Variants in PCDHGA6 observed in about 807,000 individuals in gnomAD.
PCDHGA6 encodes the protein protocadherin gamma-A6.
PCDHGA6 carries 41 observed loss-of-function variants against 60.6 expected under a neutral mutation model. The observed-to-expected ratio is 0.68, with a 90% CI of 0.53 to 0.88. PCDHGA6 has a LOEUF of 0.88. Among genes scored for constraint, PCDHGA6 ranks in the 40% least tolerant of loss-of-function variants. The pLI is 0.00. For missense variants in PCDHGA6, 1,312 were observed against 1,203.0 expected, an observed-to-expected ratio of 1.09 and a Z score of -1.34; for synonymous variants, 594 against 524.4, an observed-to-expected ratio of 1.13 and a Z score of -1.81.
chr5:141,490,130 C>A lies in PCDHGA6; in HGVS notation c.2425-4677C>A, dbSNP rs535362535. On this transcript the variant is annotated intron_variant, in intron 1 of 3. Coordinates refer to ENST00000517434, the MANE Select transcript of PCDHGA6 (RefSeq NM_018919.3). The surrounding 1 kb of genome is among the most constrained non-coding windows in gnomAD (Gnocchi z 5.4). ...GTGCGGAACCTCTTTGGCCTAGACC[C>A]TAGCAGTGGGGCAATCCATGTGTTG... 11 of 1,614,242 alleles carry A rather than the reference C, an allele frequency of 6.8e-6. No individual in the cohort carries two copies. In the African/African-American group the frequency reaches 1.3e-4, roughly 20 times the overall value.
At chr5:141,395,586 G>C (rs1222744910) in intron 1 of PCDHGA6, 1 of 169,736 alleles carries the variant, frequency 5.9e-6, no homozygotes, top group African/African-American at 2.8e-5. Context: ...GTGTGTGTGT[G>C]TGTGTATCCC....
rs1228771998 is a variant in PCDHGA6 at position 141,477,832 on chromosome 5, A to G, written c.2425-16975A>G. The stretch of plus-strand genomic sequence containing the variant: ...CCCCCCAGGTCCTATATCCTCGGCC[A>G]GGTGGGAGCTCGGTGGAGATGCTGC... On this transcript the variant is annotated intron_variant, in intron 1 of 3. Transcript: ENST00000517434. This position sits in a 1 kb window ranked among gnomAD's most constrained non-coding sequence, Gnocchi z 4.9. 1.2e-6 allele frequency: 2 copies of G among 1,614,166 alleles called. No homozygotes were observed. Among genetic ancestry groups the G allele is most frequent in the South Asian group, 1.1e-5 (1 of 91,086 alleles).
At chr5:141,418,068 C>T (rs1292846589) in intron 1 of PCDHGA6, 4 of 1,614,002 alleles carry the variant, frequency 2.5e-6, no homozygotes, top group Non-Finnish European at 3.4e-6. Flanking sequence ...CGAGTGAGCG[C>T]GGAGAAGCTG....
rs759346998 is a variant in PCDHGA6 at position 141,410,849 on chromosome 5, C to CTTTTTTTTTTTTT, written c.2424+34352_2424+34364dup. 1.9e-3 allele frequency: 267 copies of CTTTTTTTTTTTTT among 138,158 alleles called. 27 individuals carry two copies. The highest frequency in any genetic ancestry group is 5.5e-3 in the African/African-American group (91 of 16,622). 8.6% of individuals were successfully genotyped at this position (138,158 alleles called of 1,614,324 possible). A position where few individuals can be genotyped will look rare whatever the true frequency, so the allele number is the denominator to read the frequency against. ...CAGACTGAAGATATTTTGTCTTTGT[C>CTTTTTTTTTTTTT]TTTTTTTTTTTTTTTTTTTTTTGAG... On this transcript the variant is annotated intron_variant, in intron 1 of 3. Coordinates refer to ENST00000517434, the MANE Select transcript of PCDHGA6 (RefSeq NM_018919.3).
chr5:141,404,809 G>A (rs1383342554), intron 1 of PCDHGA6: 1 of 1,613,984 alleles, frequency 6.2e-7, no homozygotes, highest in East Asian at 2.2e-5. Flanking sequence ...TCTTCTCGGT[G>A]GGGCTGCACA....
chr5:141,385,919 T>C (rs912267518), intron 1 of PCDHGA6: 9 of 152,446 alleles, frequency 5.9e-5, no homozygotes, highest in African/African-American at 1.7e-4. Flanking sequence ...CACTAAGATC[T>C]ATATCAAAGA....
chr5:141,469,677 T>C (rs1271778909), intron 1 of PCDHGA6, among the ~76,000 whole-genome samples: 1 of 152,246 alleles, frequency 6.6e-6, no homozygotes, highest in African/African-American at 2.4e-5. Context: ...TAAAACTACA[T>C]ATGCATTGGT....
At position 141,410,109 on chromosome 5, in the gene PCDHGA6, A is replaced by T. The variant is rs771550139; in HGVS notation, c.2424+33602A>T. On this transcript the variant is annotated intron_variant, in intron 1 of 3. Transcript: ENST00000517434. ...ACGGCTCGAGCCTTAGGCGACAGGG[A>T]CGCAGCCCGCCAGCGCCTGCTGGTC... is the stretch of plus-strand genomic sequence containing the variant. 9.9e-6 allele frequency: 16 copies of T among 1,612,380 alleles called. 1 individual carries two copies. The South Asian group carries it at 1.6e-4, about 17-fold the overall frequency.
rs1772539310 is a variant in PCDHGA6, at chr5:141,376,306, G to A, written c.2223G>A (p.Val741=). 6.2e-7 allele frequency: 1 copy of A among 1,614,202 alleles called. No individual in the cohort carries two copies. Among genetic ancestry groups the A allele is most frequent in the East Asian group, 2.2e-5 (1 of 44,882 alleles). ...CGAGCATGCCCGGCTCGCACTTTGTGGGCGTGGAAGGGGTTCGGGCTTTCC... is the reference window on the plus strand; with the variant it reads ...CGAGCATGCCCGGCTCGCACTTTGTAGGCGTGGAAGGGGTTCGGGCTTTCC... ...GLASMPGSHF[V]GVEGVRAFLQ... is the part of the protein sequence containing the mutation. Residue 741 remains valine, a synonymous_variant, in exon 1 of 4, where the codon GTG becomes GTA. Coordinates refer to ENST00000517434, the MANE Select transcript of PCDHGA6 (RefSeq NM_018919.3).
In PCDHGA6 at chr5:141,491,276, A is replaced by G; in HGVS notation, c.2425-3531A>G. The G allele has an allele frequency of 6.2e-7, 1 of 1,614,104 alleles. No individual in the cohort carries two copies. On this transcript the variant is annotated intron_variant, in intron 1 of 3. Coordinates refer to ENST00000517434, the MANE Select transcript of PCDHGA6 (RefSeq NM_018919.3). The surrounding 1 kb of genome is among the most constrained non-coding windows in gnomAD (Gnocchi z 6.9). ...CCTGAGGAAATGCCCAAATCCAGTG[A>G]CTTCCTCATACACCCTCCTGAGCGT...
Position 141,419,399 on chromosome 5 carries a change from G to C in PCDHGA6, c.2424+42892G>C, listed in dbSNP as rs893535249. On this transcript the variant is annotated intron_variant, in intron 1 of 3. Coordinates refer to ENST00000517434, the MANE Select transcript of PCDHGA6 (RefSeq NM_018919.3). ...GTCCGTGAGCGCGCAGAGCGGGGTG[G>C]TGTTCGCGCAGCGCGCCTTCGACCA... 1.7e-5 allele frequency: 28 copies of C among 1,613,470 alleles called. No individual in the cohort carries two copies. Among genetic ancestry groups the C allele is most frequent in the Admixed American group, 1.7e-5 (1 of 60,014 alleles).
intron 1 of PCDHGA6, chr5:141,409,528 C>T (rs1488294674): frequency 3.1e-6 from 5 of 1,613,882 alleles, no homozygotes; most frequent in Non-Finnish European, 4.2e-6. Context: ...CCTTGTATGT[C>T]GCTGACATCA....
In PCDHGA6 at chr5:141,505,419, C is replaced by T; in HGVS notation, c.2510C>T (p.Thr837Ile). 3 of 1,614,258 alleles carry T rather than the reference C, an allele frequency of 1.9e-6. No homozygotes were observed. Among genetic ancestry groups the T allele is most frequent in the Non-Finnish European group, 2.5e-6 (3 of 1,180,054 alleles). Residue 837 changes from threonine to isoleucine, a missense_variant, in exon 3 of 4, where the codon ACC becomes ATC. By Grantham distance (89) the Thr-to-Ile change is moderately conservative. Transcript: ENST00000517434. The part of the protein sequence containing the change: ...SGSQNGDDTG[T>I]WPNNQFDTEM... ...TCCCAAAATGGCGATGACACCGGCA[C>T]CTGGCCCAACAACCAGTTTGACACA...
intron 1 of PCDHGA6, chr5:141,422,945 C>T (rs13188215): frequency 6.2e-7 from 1 of 1,614,134 alleles, no homozygotes; most frequent in Non-Finnish European, 8.5e-7. Context: ...ACAGACGGCT[C>T]CACTGGCGTG....
chr5:141,410,009 T>G, intron 1 of PCDHGA6: 1 of 1,613,318 alleles, frequency 6.2e-7, no homozygotes, highest in Non-Finnish European at 8.5e-7. Context: ...ACACAACGCC[T>G]GGCTGTCCTA....
At chr5:141,402,120 T>C (rs17097267) in intron 1 of PCDHGA6, among the ~76,000 whole-genome samples, 16,890 of 152,168 alleles carry the variant, frequency 0.11, 1,101 homozygotes, top group African/African-American at 0.17. Context: ...TGTGAAAATT[T>C]CCAACTTTAA....
At chr5:141,425,353 T>C (rs868017955) in intron 1 of PCDHGA6, among the ~76,000 whole-genome samples, 2 of 152,296 alleles carry the variant, frequency 1.3e-5, no homozygotes, top group Middle Eastern at 3.4e-3. Context: ...CTTTGAAATG[T>C]GATATTAAGA....
At chr5:141,461,456 T>C (rs12186717) in intron 1 of PCDHGA6, among the ~76,000 whole-genome samples, 42,391 of 152,030 alleles carry the variant, frequency 0.28, 6,631 homozygotes, top group African/African-American at 0.43. Context: ...AATGGCTATT[T>C]GTGTCCTTTG....
In PCDHGA6 at chr5:141,485,244, T is replaced by C; in HGVS notation, c.2425-9563T>C. ...ACCCTTTTGTTCCTCTTTTACCACC[T>C]GGGTTACGTTTGTGGGCAGATCCGC... On this transcript the variant is annotated intron_variant, in intron 1 of 3. Transcript: ENST00000517434. This position sits in a 1 kb window ranked among gnomAD's most constrained non-coding sequence, Gnocchi z 5.7. 1 of 1,614,168 alleles carries C rather than the reference T, an allele frequency of 6.2e-7. No individual in the cohort carries two copies. Among genetic ancestry groups the C allele is most frequent in the Admixed American group, 1.7e-5 (1 of 60,016 alleles).
Sources: gnomAD v4.1 joint callset for allele counts (sites outside exome capture counted in the v4.1 genomes callset) on GRCh38, gnomAD v4.1.1 for gene constraint, Gnocchi (gnomAD v3.1) non-coding constraint, MANE v1.5 for transcripts, NCBI Gene and HGNC (gene_info 2026-07-23, HGNC 2026-07-21) for gene names.